The following MCM8 variants were observed in gnomAD, a reference collection of about 807,000 sequenced individuals.
The protein encoded by MCM8 is minichromosome maintenance 8 homologous recombination repair factor.
MCM8 carries 85 observed loss-of-function variants against 98.9 expected under a neutral mutation model. That is an observed-to-expected ratio of 0.86 (90% CI 0.72 to 1.03). The LOEUF (loss-of-function observed/expected upper bound fraction) is 1.03. MCM8 is among the 50% of genes least tolerant of loss of function. The pLI is 0.00. For missense variants in MCM8, 951 were observed against 997.8 expected (o/e 0.95, Z 0.63); for synonymous variants, 352 against 338.6 (o/e 1.04, Z -0.44).
At chr20:5,957,590 C>T (rs1280809175) in intron 6 of MCM8, among the ~76,000 whole-genome samples, 1 of 152,024 alleles carries the variant, frequency 6.6e-6, no homozygotes, top group African/African-American at 2.4e-5. Flanking sequence ...AACTTTGAGC[C>T]CTGACACGAC....
In MCM8 at chr20:5,982,961, C is replaced by T. The variant is rs768537385; in HGVS notation, c.1538-9C>T. 14 of 1,600,120 alleles carry T rather than the reference C, an allele frequency of 8.7e-6. No homozygotes were observed. Among genetic ancestry groups the T allele is most frequent in the East Asian group, 4.5e-5 (2 of 44,320 alleles). ...ATGTTTTTTCTGCTTTATTCTACTT[C>T]GATTGTAGGTATTTGTGGAATCGAT... On this transcript the variant is annotated splice_polypyrimidine_tract_variant and intron_variant, in intron 13 of 18. Coordinates refer to ENST00000610722, the MANE Select transcript of MCM8 (RefSeq NM_032485.6).
rs1451423380 is a variant in MCM8, at chr20:5,967,852, G to T, written c.1050G>T (p.Lys350Asn). Reference sequence around the variant, plus strand: ...CAGGTTCTCGAAATAAGAATGACAAGTGTATGTTCCTTTTGTATATTGAAG... The same window carrying T: ...CAGGTTCTCGAAATAAGAATGACAATTGTATGTTCCTTTTGTATATTGAAG... ...AEEGSRNKND[K>N]CMFLLYIEAN... Residue 350 changes from lysine (K) to asparagine (N), a missense_variant, in exon 10 of 19, where the codon AAG (lysine) becomes AAT (asparagine). By Grantham distance (94) the Lys-to-Asn change is moderately conservative. Coordinates refer to ENST00000610722, the MANE Select transcript of MCM8 (RefSeq NM_032485.6). 1.9e-6 allele frequency: 3 copies of T among 1,610,392 alleles called. No homozygotes were observed. In the East Asian group the frequency reaches 6.7e-5, roughly 36 times the overall value.
intron 16 of MCM8, among the ~76,000 whole-genome samples, chr20:5,986,755 TAAC>T (rs2089742997): frequency 6.6e-6 from 1 of 152,258 alleles, no homozygotes; most frequent in Admixed American, 6.5e-5. Context: ...AAATATACGT[TAAC>T]AAGTAAAAAT....
chr20:5,970,499 C>G (rs1440847308), intron 10 of MCM8, among the ~76,000 whole-genome samples: 1 of 152,146 alleles, frequency 6.6e-6, no homozygotes, highest in African/African-American at 2.4e-5. Flanking sequence ...ATTTAAGGGC[C>G]TACATTTGGG....
Position 5,955,848 on chromosome 20 carries a change from C to T in MCM8, c.486+597C>T, listed in dbSNP as rs183488865. Among the ~76,000 whole-genome samples the T allele has an allele frequency of 2.7e-3, 410 of 151,780 alleles. 1 individual carries two copies. Among genetic ancestry groups the T allele is most frequent in the African/African-American group, 9.4e-3 (388 of 41,388 alleles). Reference sequence around the variant, plus strand: ...GGCTGGAGTGCAGTGTCATGATCTCCGCTCACTGCAACCTCTGCCTCCCGG... The same window carrying T: ...GGCTGGAGTGCAGTGTCATGATCTCTGCTCACTGCAACCTCTGCCTCCCGG... On this transcript the variant is annotated intron_variant, in intron 5 of 18. Coordinates refer to ENST00000610722, the MANE Select transcript of MCM8 (RefSeq NM_032485.6).
rs1195072951 is a variant in MCM8 at position 5,994,720 on chromosome 20, A to G, written c.*329A>G. On this transcript the variant is annotated 3_prime_UTR_variant, in exon 19 of 19. Transcript: ENST00000610722. The stretch of plus-strand genomic sequence containing the variant: ...CGAGACCAACCTTGGGCAACATAGC[A>G]AGACCCCATTTCTTAAAAAAAAAAA... 4.3e-6 allele frequency: 2 copies of G among 462,530 alleles called. No individual in the cohort carries two copies. The highest frequency in any genetic ancestry group is 1.3e-4 in the East Asian group (2 of 15,860). 28.7% of individuals were successfully genotyped at this position (462,530 alleles called of 1,614,324 possible).
At chr20:5,983,910 A>G (rs1186948111) in intron 14 of MCM8, among the ~76,000 whole-genome samples, 1 of 152,216 alleles carries the variant, frequency 6.6e-6, no homozygotes, top group Non-Finnish European at 1.5e-5. Flanking sequence ...AACATTGGAA[A>G]CACCTTAAAA....
intron 17 of MCM8, among the ~76,000 whole-genome samples, chr20:5,989,681 C>T (rs2089806557): frequency 6.6e-6 from 1 of 152,138 alleles, no homozygotes; most frequent in African/African-American, 2.4e-5. Flanking sequence ...TGTCCCCAGC[C>T]TGGTACTGCC....
chr20:5,967,938 A>G lies in MCM8; in HGVS notation c.1136A>G (p.His379Arg), dbSNP rs1600265638. The part of the protein sequence containing the change: ...KTKSSEDGCK[H>R]GMLMEFSLKD... The stretch of plus-strand genomic sequence containing the variant: ...AAGAGTTCTGAGGATGGGTGTAAGC[A>G]TGGAATGTTGATGGAGTTCTCACTT... Residue 379 changes from histidine (H) to arginine (R), a missense_variant, in exon 10 of 19, where the codon CAT becomes CGT. By Grantham distance (29) the His-to-Arg change is conservative. Coordinates refer to ENST00000610722, the MANE Select transcript of MCM8 (RefSeq NM_032485.6). 18 of 1,614,174 alleles carry G rather than the reference A, an allele frequency of 1.1e-5. No homozygotes were observed. Among genetic ancestry groups the G allele is most frequent in the Non-Finnish European group, 1.5e-5 (18 of 1,180,002 alleles).
chr20:5,955,486 T>C (rs1470168201), intron 5 of MCM8, among the ~76,000 whole-genome samples: 1 of 151,800 alleles, frequency 6.6e-6, no homozygotes, highest in East Asian at 1.9e-4. Flanking sequence ...CTCCAACTTA[T>C]TTGGATTTGC....
At position 5,989,079 on chromosome 20, in the gene MCM8, A is replaced by G. The variant is rs1325503681; in HGVS notation, c.2240+1721A>G. 4.0e-5 allele frequency among the ~76,000 whole-genome samples: 6 copies of G among 151,306 alleles called. No homozygotes were observed. In the South Asian group the frequency reaches 1.0e-3, roughly 26 times the overall value. ...GACGAATACGGTTCTGATACATTAG[A>G]GAACACTCAGTAAACACTGTTTACT... On this transcript the variant is annotated intron_variant, in intron 17 of 18. Coordinates refer to ENST00000610722, the MANE Select transcript of MCM8 (RefSeq NM_032485.6).
In MCM8 at chr20:5,966,065, C is replaced by T. The variant is rs904801814; in HGVS notation, c.876-1371C>T. On this transcript the variant is annotated intron_variant, in intron 8 of 18. Coordinates refer to ENST00000610722, the MANE Select transcript of MCM8 (RefSeq NM_032485.6). ...TGTCTGAAAATGTCTTTATTTGGAT[C>T]TTAGTCTGGCTAAGAGTTTGCTAGC... Among the ~76,000 whole-genome samples the T allele has an allele frequency of 1.5e-4, 23 of 152,204 alleles. No individual in the cohort carries two copies. In the Middle Eastern group the frequency reaches 0.01, roughly 68 times the overall value.
At chr20:5,967,126 T>G (rs2089292199) in intron 8 of MCM8, among the ~76,000 whole-genome samples, 1 of 152,206 alleles carries the variant, frequency 6.6e-6, no homozygotes, top group Non-Finnish European at 1.5e-5. Context: ...GTTTTATCCA[T>G]CAATACTTTA....
intron 12 of MCM8, among the ~76,000 whole-genome samples, chr20:5,975,520 G>A (rs12624735): frequency 0.22 from 31,474 of 142,296 alleles, 4,793 homozygotes; most frequent in African/African-American, 0.44. Flanking sequence ...TTTTTGAGTC[G>A]GAGTCTCGCT....
chr20:5,959,301 T>C (rs57766216), intron 7 of MCM8, among the ~76,000 whole-genome samples: 3,684 of 152,310 alleles, frequency 0.024, 134 homozygotes, highest in African/African-American at 0.077. Context: ...GTTGAAGTCT[T>C]TCTGTTCTCA....
chr20:5,963,040 C>G (rs559562707), intron 7 of MCM8, among the ~76,000 whole-genome samples: 1 of 152,128 alleles, frequency 6.6e-6, no homozygotes, highest in African/African-American at 2.4e-5. Context: ...ATACCCATAG[C>G]AGGATACGAA....
chr20:5,986,049 T>C lies in MCM8; in HGVS notation c.2081T>C (p.Leu694Pro). 2 of 1,614,190 alleles carry C rather than the reference T, an allele frequency of 1.2e-6. No individual in the cohort carries two copies. The highest frequency in any genetic ancestry group is 2.2e-5 in the South Asian group (2 of 91,082). The change falls in exon 16 of 19, where the codon CTT becomes CCT. Residue 694 changes from leucine to proline, a missense_variant. Leu to Pro is a moderately conservative substitution (Grantham distance 98, BLOSUM62 -3). Transcript: ENST00000610722. ...GCTCGAGTTCTTCAAGATTTTTACC[T>C]TGAGCTCCGGAAACAGAGCCAGAGG... ...EAARVLQDFY[L>P]ELRKQSQRLN...
rs1555784319 is a variant in MCM8, at chr20:5,950,923, C to T, written c.-106C>T. ...CTCTTAGCCCCGTGGTGCTTCTCTACGGGAGGGAGGGAGGGAGAATCCGGC... is the reference window on the plus strand; with the variant it reads ...CTCTTAGCCCCGTGGTGCTTCTCTATGGGAGGGAGGGAGGGAGAATCCGGC... On this transcript the variant is annotated 5_prime_UTR_variant, in exon 1 of 19. In the 5' UTR this introduces an upstream ATG that the reference lacks. Transcript: ENST00000610722. 1.4e-5 allele frequency: 2 copies of T among 141,148 alleles called. No individual in the cohort carries two copies. The highest frequency in any genetic ancestry group is 3.1e-5 in the Non-Finnish European group (2 of 64,372). 8.7% of individuals were successfully genotyped at this position (141,148 alleles called of 1,614,324 possible).
At chr20:5,981,637 TGG>T (rs1181890028) in intron 13 of MCM8, among the ~76,000 whole-genome samples, 4 of 152,184 alleles carry the variant, frequency 2.6e-5, no homozygotes, top group Admixed American at 6.5e-5. Context: ...GAAATAGGTT[TGG>T]ACAGAGCAGC....
Sources: allele counts gnomAD v4.1 joint callset (sites outside exome capture counted in the v4.1 genomes callset), GRCh38; gene constraint gnomAD v4.1.1; transcripts MANE v1.5; gene names NCBI Gene and HGNC (gene_info 2026-07-23, HGNC 2026-07-21).